The following CCSER1 variants were observed in gnomAD, a reference collection of about 807,000 sequenced individuals.
CCSER1 encodes the protein serine-rich coiled-coil domain-containing protein 1.
Under a neutral mutation model 82.0 loss-of-function variants are expected in CCSER1, and 41 were observed. That is an observed-to-expected ratio of 0.50 (90% CI 0.39 to 0.65). The LOEUF (loss-of-function observed/expected upper bound fraction) is 0.65. Ranked by LOEUF, CCSER1 falls within the 30% of genes least tolerant of loss-of-function variation. CCSER1 has a pLI of 0.00. For missense variants in CCSER1, 1,119 were observed against 1,064.2 expected (o/e 1.05, Z -0.72); for synonymous variants, 414 against 383.9 (o/e 1.08, Z -0.92).
At chr4:90,569,472 T>C (rs1345381738) in intron 5 of CCSER1, among the ~76,000 whole-genome samples, 1 of 152,168 alleles carries the variant, frequency 6.6e-6, no homozygotes, top group African/African-American at 2.4e-5. Context: ...CTCAAAGTAG[T>C]TGGGCAACAG....
chr4:90,406,816 A>C (rs891833037), intron 4 of CCSER1, among the ~76,000 whole-genome samples: 7 of 152,186 alleles, frequency 4.6e-5, no homozygotes, highest in African/African-American at 1.7e-4. Flanking sequence ...GAATGATAAT[A>C]GTGATAAAAC....
intron 10 of CCSER1, among the ~76,000 whole-genome samples, chr4:91,172,387 T>C (rs753612045): frequency 6.6e-6 from 1 of 152,186 alleles, no homozygotes; most frequent in Non-Finnish European, 1.5e-5. Context: ...AAAGGCATTC[T>C]AGGAAAAGGC....
At chr4:90,315,860 T>C (rs12330928) in intron 3 of CCSER1, among the ~76,000 whole-genome samples, 5,409 of 152,310 alleles carry the variant, frequency 0.036, 107 homozygotes, top group African/African-American at 0.052. Flanking sequence ...TTTTAACTTG[T>C]AGCACTGTAA....
chr4:90,532,238 A>G (rs1295079723), intron 5 of CCSER1, among the ~76,000 whole-genome samples: 1 of 152,128 alleles, frequency 6.6e-6, no homozygotes, highest in Non-Finnish European at 1.5e-5. Context: ...CCATTTTCTC[A>G]CACCATTTGC....
At chr4:90,480,715 C>G (rs1005914227) in intron 5 of CCSER1, among the ~76,000 whole-genome samples, 2 of 152,110 alleles carry the variant, frequency 1.3e-5, no homozygotes, top group African/African-American at 4.8e-5. Context: ...TCTGAGGGCT[C>G]TGTTCTGTTC....
chr4:90,829,791 TG>T (rs1760908072), intron 8 of CCSER1, among the ~76,000 whole-genome samples: 1 of 152,224 alleles, frequency 6.6e-6, no homozygotes, highest in Non-Finnish European at 1.5e-5. Context: ...TAGGCTGGTC[TG>T]TTTCCCGTAA....
intron 10 of CCSER1, among the ~76,000 whole-genome samples, chr4:91,249,404 A>G (rs1459065072): frequency 6.6e-6 from 1 of 152,174 alleles, no homozygotes; most frequent in African/African-American, 2.4e-5. Context: ...GAAAGTTTCA[A>G]GAACAAAAGT....
chr4:90,477,185 T>C (rs974349725), intron 5 of CCSER1, among the ~76,000 whole-genome samples: 1 of 152,226 alleles, frequency 6.6e-6, no homozygotes, highest in Non-Finnish European at 1.5e-5. Flanking sequence ...CTAGTAATAC[T>C]ATAAATAAAT....
chr4:91,096,398 C>T (rs901086537), intron 10 of CCSER1, among the ~76,000 whole-genome samples: 5 of 152,148 alleles, frequency 3.3e-5, no homozygotes, highest in Admixed American at 6.5e-5. Context: ...TGGCTTCCCT[C>T]GGCAGGTGGA....
chr4:90,941,340 G>T (rs1010365064), intron 9 of CCSER1, among the ~76,000 whole-genome samples: 5 of 151,962 alleles, frequency 3.3e-5, no homozygotes, highest in African/African-American at 2.4e-5. Flanking sequence ...TGTTTTAAAT[G>T]ATTTTTTAAT....
intron 6 of CCSER1, among the ~76,000 whole-genome samples, chr4:90,703,663 T>G (rs2149289120): frequency 6.6e-6 from 1 of 152,306 alleles, no homozygotes; most frequent in South Asian, 2.1e-4. Context: ...GCTCCTGTAT[T>G]GGGTTCATAT....
intron 9 of CCSER1, among the ~76,000 whole-genome samples, chr4:91,050,410 G>A (rs570529760): frequency 1.4e-5 from 2 of 143,578 alleles, no homozygotes; most frequent in South Asian, 2.2e-4. Flanking sequence ...CATTCTGGGT[G>A]ATAGAGTGAG....
At chr4:91,289,958 C>G (rs1743620545) in intron 10 of CCSER1, among the ~76,000 whole-genome samples, 1 of 151,900 alleles carries the variant, frequency 6.6e-6, no homozygotes, top group Admixed American at 6.6e-5. Flanking sequence ...AAGAAAAAGT[C>G]TGAAGGTAAT....
intron 6 of CCSER1, among the ~76,000 whole-genome samples, chr4:90,709,569 A>T (rs538421343): frequency 6.6e-6 from 1 of 152,288 alleles, no homozygotes; most frequent in South Asian, 2.1e-4. Context: ...TTTGCTGAGG[A>T]TAATGGCTTT....
chr4:90,869,221 A>C (rs778964387), intron 8 of CCSER1, among the ~76,000 whole-genome samples: 2 of 151,836 alleles, frequency 1.3e-5, no homozygotes, highest in Non-Finnish European at 2.9e-5. Context: ...CCATTTGTCT[A>C]TTTTTGCTTT....
At chr4:91,298,590 A>T (rs1744405050) in intron 10 of CCSER1, among the ~76,000 whole-genome samples, 1 of 152,018 alleles carries the variant, frequency 6.6e-6, no homozygotes, top group African/African-American at 2.4e-5. Flanking sequence ...AACATACAAG[A>T]GCGTGGGAAT....
At chr4:90,655,958 A>G (rs1022118002) in intron 6 of CCSER1, among the ~76,000 whole-genome samples, 1 of 151,916 alleles carries the variant, frequency 6.6e-6, no homozygotes, top group Non-Finnish European at 1.5e-5. Flanking sequence ...GCACAGTTAT[A>G]ATATTCTTGG....
At chr4:91,298,151 A>G (rs1164469253) in intron 10 of CCSER1, among the ~76,000 whole-genome samples, 18 of 152,076 alleles carry the variant, frequency 1.2e-4, no homozygotes, top group Admixed American at 1.2e-3. Context: ...TAAAGGGGCT[A>G]TCAAGTAGAA....
chr4:90,763,428 A>G (rs780356748), intron 7 of CCSER1, among the ~76,000 whole-genome samples: 1 of 152,142 alleles, frequency 6.6e-6, no homozygotes, highest in African/African-American at 2.4e-5. Flanking sequence ...AATTGTTTCA[A>G]TGTTCTTTCA....
Sources: gnomAD v4.1 joint callset for allele counts (sites outside exome capture counted in the v4.1 genomes callset) on GRCh38, gnomAD v4.1.1 for gene constraint, MANE v1.5 for transcripts, NCBI Gene and HGNC (gene_info 2026-07-23, HGNC 2026-07-21) for gene names.